Variants in DNAH3 observed in about 807,000 individuals in gnomAD.
DNAH3 encodes axonemal beta dynein heavy chain 3.
DNAH3 carries 332 observed loss-of-function variants against 432.5 expected under a neutral mutation model. That is an observed-to-expected ratio of 0.77 (90% CI 0.70 to 0.84). The LOEUF (loss-of-function observed/expected upper bound fraction) is 0.84. Ranked by LOEUF, DNAH3 falls within the 40% of genes least tolerant of loss-of-function variation. The probability of loss-of-function intolerance (pLI) is 0.00; values close to 1 mark genes in which losing one functional copy is unlikely to be tolerated. For missense variants in DNAH3, 4,861 were observed against 5,114.0 expected (o/e 0.95, Z 1.51); for synonymous variants, 1,956 against 1,900.2 (o/e 1.03, Z -0.76).
At chr16:21,065,387 C>T (rs527512545) in intron 24 of DNAH3, among the ~76,000 whole-genome samples, 11 of 152,222 alleles carry the variant, frequency 7.2e-5, no homozygotes, top group African/African-American at 2.6e-4. Flanking sequence ...TCTCGAACTC[C>T]CAGCCTCACG....
At chr16:20,996,496 G>C (rs1427115640) in intron 44 of DNAH3, among the ~76,000 whole-genome samples, 1 of 151,982 alleles carries the variant, frequency 6.6e-6, no homozygotes, top group Non-Finnish European at 1.5e-5. Flanking sequence ...GTCTCATTCT[G>C]TTGCCCAGGC....
chr16:21,126,259 A>G (rs1019590587), intron 8 of DNAH3, among the ~76,000 whole-genome samples: 19 of 152,176 alleles, frequency 1.2e-4, no homozygotes, highest in Admixed American at 2.0e-4. Flanking sequence ...TCCCAGTGGA[A>G]ACCACTGGCC....
intron 40 of DNAH3, among the ~76,000 whole-genome samples, chr16:21,021,727 T>A (rs940159112): frequency 2.4e-4 from 36 of 152,012 alleles, no homozygotes; most frequent in Admixed American, 2.4e-3. Context: ...CTGGTCAACA[T>A]GGCGAAACCC....
chr16:20,947,630 T>C (rs551436343), intron 57 of DNAH3, among the ~76,000 whole-genome samples: 3 of 152,234 alleles, frequency 2.0e-5, no homozygotes, highest in African/African-American at 7.2e-5. Flanking sequence ...GCTTAATGTG[T>C]GGGGAAGGGG....
Position 20,974,591 on chromosome 16 carries a change from T to TG in DNAH3, c.8259+641_8259+642insC, listed in dbSNP as rs1453915578. 2.9e-5 allele frequency among the ~76,000 whole-genome samples: 4 copies of TG among 136,656 alleles called. No individual in the cohort carries two copies. In the East Asian group the frequency reaches 8.6e-4, roughly 29 times the overall value. The allele number at this position is 136,656 out of a possible 152,430, so 89.7% of individuals were successfully genotyped here. A position where few individuals can be genotyped will look rare whatever the true frequency, so the allele number is the denominator to read the frequency against. On this transcript the variant is annotated intron_variant, in intron 51 of 61. Transcript: ENST00000261383. ...GCTGTTTTATAGTGTTTTTTTTTTT[T>TG]TTTTTTTTTTGTAGAGACAGAATCT...
At chr16:21,060,118 T>C in intron 26 of DNAH3, 146 bp downstream of exon 26, 2 of 662,944 alleles carry the variant, frequency 3.0e-6, no homozygotes, top group South Asian at 3.6e-5. Context: ...GCCCCAGGGT[T>C]CACAAGTGAA....
At chr16:20,985,380 C>T in exon 48 of DNAH3, 3 of 1,614,154 alleles carry the variant, frequency 1.9e-6, no homozygotes, top group Non-Finnish European at 2.5e-6. Flanking sequence ...TCTGGTATAG[C>T]TCGTATGCGT....
At chr16:21,081,773 C>T (rs915669655) in intron 19 of DNAH3, 46 bp from the exon 20 acceptor site, 1 of 1,519,782 alleles carries the variant, frequency 6.6e-7, no homozygotes, top group Non-Finnish European at 9.1e-7. Flanking sequence ...CGAGGCAGTG[C>T]TGTCCAGTAG....
chr16:21,049,959 G>C (rs2089883633), exon 30 of DNAH3: 1 of 1,614,172 alleles, frequency 6.2e-7, no homozygotes, highest in East Asian at 2.2e-5. Context: ...TGTCTTGCCA[G>C]TCCCAGCTGG....
At chr16:20,955,946 T>G (rs183931433) in intron 54 of DNAH3, among the ~76,000 whole-genome samples, 1 of 152,212 alleles carries the variant, frequency 6.6e-6, no homozygotes, top group East Asian at 1.9e-4. Context: ...TTCATTTTTT[T>G]GAGACAAGGT....
exon 37 of DNAH3, chr16:21,031,050 T>C (rs1431787391): frequency 3.1e-6 from 5 of 1,614,160 alleles, no homozygotes; most frequent in Non-Finnish European, 4.2e-6. Context: ...CTTACCTTTT[T>C]ATTGTCATCC....
intron 49 of DNAH3, among the ~76,000 whole-genome samples, chr16:20,980,260 T>TATACATCATATATTATAATATACATCA (rs574543904): frequency 7.8e-6 from 1 of 129,028 alleles, no homozygotes; most frequent in Non-Finnish European, 1.7e-5. Context: ...ACATCATATA[T>TATACATCATATATTATAATATACATCA]TATATTATAA....
At chr16:20,983,847 C>T (rs1171234977) in intron 48 of DNAH3, among the ~76,000 whole-genome samples, 1 of 151,732 alleles carries the variant, frequency 6.6e-6, no homozygotes, top group East Asian at 1.9e-4. Context: ...CCCCACATCC[C>T]CGTCCCCTAT....
Position 21,019,624 on chromosome 16 carries a change from C to A in DNAH3, c.6022G>T (p.Gly2008Ter), listed in dbSNP as rs199870949. The A allele has an allele frequency of 6.2e-7, 1 of 1,614,034 alleles. No individual in the cohort carries two copies. The highest frequency in any genetic ancestry group is 8.5e-7 in the Non-Finnish European group (1 of 1,179,996). ...ACATAACAAACAGGTTCTAAATTAC[C>A]TCTTTCTGGAAAGATGTTGTTTTTG... Residue 2008 changes from glycine to a stop codon, truncating the protein, a stop_gained and splice_region_variant, in exon 41 of 62, where the codon GGA becomes TGA. Transcript: ENST00000261383. LOFTEE classifies it high-confidence loss of function.
chr16:21,020,348 G>GTGTGTATATATATATA, intron 40 of DNAH3, among the ~76,000 whole-genome samples: 856 of 68,532 alleles, frequency 0.012, 13 homozygotes, highest in Middle Eastern at 0.025. Flanking sequence ...TATAGTGTGT[G>GTGTGTATATATATATA]TATATATATA....
chr16:20,967,563 C>T (rs960077906), intron 52 of DNAH3, among the ~76,000 whole-genome samples: 21 of 123,002 alleles, frequency 1.7e-4, no homozygotes, highest in Non-Finnish European at 2.8e-4. Flanking sequence ...AGTGCAATGG[C>T]GTGGTCTCGG....
At chr16:21,050,614 AT>A (rs1411847999) in intron 29 of DNAH3, among the ~76,000 whole-genome samples, 2 of 151,938 alleles carry the variant, frequency 1.3e-5, no homozygotes, top group African/African-American at 4.8e-5. Flanking sequence ...TAATTTTCAT[AT>A]TTTTTGTAGA....
chr16:21,090,878 G>A (rs903078376), intron 18 of DNAH3, among the ~76,000 whole-genome samples: 4 of 152,194 alleles, frequency 2.6e-5, no homozygotes, highest in Admixed American at 2.6e-4. Flanking sequence ...TCAGCTGGGT[G>A]AGGTGGCTCA....
At chr16:20,933,575 GGAAT>G in intron 61 of DNAH3, 68 bp from the exon 62 acceptor site, 1 of 1,305,150 alleles carries the variant, frequency 7.7e-7, no homozygotes, top group Non-Finnish European at 1.0e-6. Context: ...TTAAGAGCCT[GGAAT>G]CTTCTGATAC....
Sources: allele counts gnomAD v4.1 joint callset (sites outside exome capture counted in the v4.1 genomes callset), GRCh38; gene constraint gnomAD v4.1.1; transcripts MANE v1.5; gene names NCBI Gene and HGNC (gene_info 2026-07-23, HGNC 2026-07-21).